The following LYSMD1 variants were observed in gnomAD, a reference collection of about 807,000 sequenced individuals.
LYSMD1 encodes the protein LysM domain containing 1.
LYSMD1 carries 9 observed loss-of-function variants against 19.3 expected under a neutral mutation model. The observed-to-expected ratio is 0.47, with a 90% CI of 0.28 to 0.81. The LOEUF (loss-of-function observed/expected upper bound fraction) is 0.81, where lower values mean the gene tolerates loss of function less well. Among genes scored for constraint, LYSMD1 ranks in the 40% least tolerant of loss-of-function variants. The pLI is 0.11. For synonymous variants in LYSMD1, 111 were observed against 111.7 expected (o/e 0.99, Z 0.04); for missense variants, 262 against 279.8 (o/e 0.94, Z 0.45).
downstream of LYSMD1, chr1:151,159,087 G>C: frequency 6.2e-7 from 1 of 1,614,132 alleles, no homozygotes; most frequent in South Asian, 1.1e-5. Flanking sequence ...TGCTAGAGTT[G>C]GTGGAACACC....
chr1:151,163,982 C>T (rs1051101394), intron 1 of LYSMD1, among the ~76,000 whole-genome samples: 1 of 152,186 alleles, frequency 6.6e-6, no homozygotes, highest in Admixed American at 6.5e-5. Context: ...CAACCTCCCC[C>T]TCCTGGGTTC....
chr1:151,162,987 C>A (rs587704531), intron 1 of LYSMD1, among the ~76,000 whole-genome samples: 1 of 152,272 alleles, frequency 6.6e-6, no homozygotes, highest in East Asian at 1.9e-4. Flanking sequence ...AGATAAAAAC[C>A]AAATTAGCAT....
chr1:151,159,403 C>T, downstream of LYSMD1: 2 of 805,150 alleles, frequency 2.5e-6, no homozygotes, highest in Non-Finnish European at 3.9e-6. Flanking sequence ...CTGAGACCAG[C>T]CCACCCCCAA....
chr1:151,160,982 G>C lies in LYSMD1; in HGVS notation c.584C>G (p.Pro195Arg), dbSNP rs1558200490. Reference protein sequence around the residue: ...GEDAGLHLSSPWMQQRAVLGP... With the variant: ...GEDAGLHLSSRWMQQRAVLGP... ...TAGGACTGCTCGTTGCTGCATCCAAGGGGAGCTCAGGTGGAGACCTGCATC... is the reference window on the plus strand; with the variant it reads ...TAGGACTGCTCGTTGCTGCATCCAACGGGAGCTCAGGTGGAGACCTGCATC... The change falls in exon 3 of 3, where the codon CCT becomes CGT. Residue 195 changes from proline to arginine, a missense_variant. Physicochemically the swap from Pro to Arg is moderately radical, Grantham distance 103. Coordinates refer to ENST00000368908, the MANE Select transcript of LYSMD1 (RefSeq NM_212551.5). The C allele has an allele frequency of 1.2e-6, 2 of 1,614,154 alleles. No homozygotes were observed. The highest frequency in any genetic ancestry group is 4.5e-5 in the East Asian group (2 of 44,892).
the LYSMD1 span, among the ~76,000 whole-genome samples, chr1:151,150,874 G>A: frequency 3.3e-5 from 5 of 151,722 alleles, no homozygotes; most frequent in African/African-American, 9.7e-5. Flanking sequence ...GAGTAGCTGG[G>A]ATTACAGGCG....
At position 151,165,519 on chromosome 1, in the gene LYSMD1, C is replaced by T. The variant is rs1361224724; in HGVS notation, c.-261G>A. ...TAAGCACCCCTCCGACTTTGGACTC[C>T]CCCACAACTCCTCGCTACATTGACC... On this transcript the variant is annotated 5_prime_UTR_variant, in exon 1 of 3. Coordinates refer to ENST00000368908, the MANE Select transcript of LYSMD1 (RefSeq NM_212551.5). 1.4e-6 allele frequency: 2 copies of T among 1,445,652 alleles called. No individual in the cohort carries two copies. The highest frequency in any genetic ancestry group is 1.4e-5 in the African/African-American group (1 of 69,924). 89.6% of individuals were successfully genotyped at this position (1,445,652 alleles called of 1,614,324 possible).
chr1:151,163,597 C>T (rs776567891), intron 1 of LYSMD1, among the ~76,000 whole-genome samples: 2 of 152,124 alleles, frequency 1.3e-5, no homozygotes, highest in South Asian at 2.1e-4. Flanking sequence ...GGCGCGATCT[C>T]GGCTCACTGA....
the LYSMD1 span, among the ~76,000 whole-genome samples, chr1:151,153,975 G>T: frequency 6.6e-6 from 1 of 151,250 alleles, no homozygotes; most frequent in African/African-American, 2.4e-5. Context: ...AAAAAAAAAT[G>T]AGAGAGAAAA....
chr1:151,158,921 G>C, downstream of LYSMD1: 1 of 1,614,202 alleles, frequency 6.2e-7, no homozygotes, highest in Non-Finnish European at 8.5e-7. Flanking sequence ...GTGCTGCACC[G>C]CAATGGCTCC....
Position 151,165,490 on chromosome 1 carries a change from C to T in LYSMD1, c.-232G>A, listed in dbSNP as rs587598435. 32 of 1,437,226 alleles carry T rather than the reference C, an allele frequency of 2.2e-5. No homozygotes were observed. The highest frequency in any genetic ancestry group is 2.8e-5 in the Non-Finnish European group (31 of 1,101,810). 89.0% of individuals were successfully genotyped at this position (1,437,226 alleles called of 1,614,324 possible). ...GAGTATTCAGTCCCTCCCTAATTCTCCCCTAAGCACCCCTCCGACTTTGGA... is the reference window on the plus strand; with the variant it reads ...GAGTATTCAGTCCCTCCCTAATTCTTCCCTAAGCACCCCTCCGACTTTGGA... On this transcript the variant is annotated 5_prime_UTR_variant, in exon 1 of 3. Transcript: ENST00000368908.
downstream of LYSMD1, among the ~76,000 whole-genome samples, chr1:151,157,743 G>T (rs765568544): frequency 2.6e-4 from 39 of 152,206 alleles, no homozygotes; most frequent in Non-Finnish European, 5.3e-4. Flanking sequence ...CCTTACACAG[G>T]ATTGGGAAGG....
chr1:151,160,238 C>CAAAAAAAAACAAAAAAAAAAAA lies in LYSMD1; in HGVS notation c.*643_*644insTTTTTTTTTTTTGTTTTTTTTT, dbSNP rs1683387930. On this transcript the variant is annotated 3_prime_UTR_variant, in exon 3 of 3. Transcript: ENST00000368908. Reference sequence around the variant, plus strand: ...AGCCCATTCAACAGGAATGGGGTACCAAAAAAAAAAAAAAAAAGAATCAGC... The same window carrying CAAAAAAAAACAAAAAAAAAAAA: ...AGCCCATTCAACAGGAATGGGGTACCAAAAAAAAACAAAAAAAAAAAAAAAAAAAAAAAAAAAAAGAATCAGC... 1 of 35,574 alleles carries CAAAAAAAAACAAAAAAAAAAAA rather than the reference C, an allele frequency of 2.8e-5. No homozygotes were observed. The highest frequency in any genetic ancestry group is 7.0e-5 in the African/African-American group (1 of 14,280). 2.2% of individuals were successfully genotyped at this position (35,574 alleles called of 1,614,324 possible).
At chr1:151,162,169 A>T (rs1683482258) in intron 1 of LYSMD1, 69 bp from the exon 2 acceptor site, 2 of 1,450,444 alleles carry the variant, frequency 1.4e-6, no homozygotes, top group African/African-American at 2.9e-5. Context: ...AGCTTTTTAA[A>T]GTGACTGTAC....
At position 151,161,840 on chromosome 1, in the gene LYSMD1, C is replaced by A. The variant is rs1558201114; in HGVS notation, c.441G>T (p.Thr147=). Residue 147 remains threonine (T), a synonymous_variant, in exon 2 of 3, where the codon ACG becomes ACT. Coordinates refer to ENST00000368908, the MANE Select transcript of LYSMD1 (RefSeq NM_212551.5). The part of the protein sequence containing the change: ...VLPTPGQETP[T]PIHDLSASDF... ...CAGAGGCAGAGAGGTCATGGATGGG[C>A]GTGGGGGTTTCCTGGCCAGGTGTGG... is the stretch of plus-strand genomic sequence containing the variant. 2 of 1,613,778 alleles carry A rather than the reference C, an allele frequency of 1.2e-6. No homozygotes were observed. The highest frequency in any genetic ancestry group is 8.5e-7 in the Non-Finnish European group (1 of 1,179,940).
chr1:151,153,077 T>A, the LYSMD1 span, among the ~76,000 whole-genome samples: 4 of 152,232 alleles, frequency 2.6e-5, no homozygotes, highest in African/African-American at 9.6e-5. Flanking sequence ...AAACTACTTA[T>A]CTCTAAGTCT....
chr1:151,156,100 CAAAAA>C (rs751524835), downstream of LYSMD1, among the ~76,000 whole-genome samples: 15 of 38,128 alleles, frequency 3.9e-4, no homozygotes, highest in African/African-American at 1.0e-3. Context: ...AACTCTGTCT[CAAAAA>C]AAAAAAAAAA....
the LYSMD1 span, among the ~76,000 whole-genome samples, chr1:151,149,106 C>T: frequency 2.7e-4 from 41 of 152,200 alleles, no homozygotes; most frequent in South Asian, 1.0e-3. Flanking sequence ...AAATGACTCT[C>T]TTGGCTGGGC....
At chr1:151,155,831 G>A (rs967729020), downstream of LYSMD1, among the ~76,000 whole-genome samples, 1 of 152,100 alleles carries the variant, frequency 6.6e-6, no homozygotes, top group African/African-American at 2.4e-5. Flanking sequence ...GCCCTGCGGG[G>A]TGCGTTGGCT....
chr1:151,158,928 C>T (rs925729484), downstream of LYSMD1: 3 of 1,614,256 alleles, frequency 1.9e-6, no homozygotes, highest in Admixed American at 3.3e-5. Flanking sequence ...ACCGCAATGG[C>T]TCCTTTGGCC....
Sources: allele counts gnomAD v4.1 joint callset (sites outside exome capture counted in the v4.1 genomes callset), GRCh38; gene constraint gnomAD v4.1.1; transcripts MANE v1.5; gene names NCBI Gene and HGNC (gene_info 2026-07-23, HGNC 2026-07-21).